The following PLCL2 variants were observed in gnomAD, a reference collection of about 807,000 sequenced individuals.
The protein encoded by PLCL2 is inactive phospholipase C-like protein 2.
A neutral mutation model predicts 79.6 loss-of-function variants in PLCL2; 4 were observed. The ratio of observed to expected loss-of-function variants is 0.05; its 90% CI spans 0.02 to 0.11. The LOEUF is 0.11. Ranked by LOEUF, PLCL2 falls within the 10% of genes least tolerant of loss-of-function variation. The pLI is 1.00. For missense variants in PLCL2, 895 were observed against 1,291.0 expected (o/e 0.69, Z 4.70); for synonymous variants, 484 against 457.7 (o/e 1.06, Z -0.73).
At chr3:16,966,450 G>A (rs2063807393) in intron 1 of PLCL2, among the ~76,000 whole-genome samples, 1 of 152,094 alleles carries the variant, frequency 6.6e-6, no homozygotes, top group African/African-American at 2.4e-5. Flanking sequence ...TTGCATCAAT[G>A]TTCATCAAGG....
At chr3:17,006,155 G>A (rs1168967914) in intron 1 of PLCL2, among the ~76,000 whole-genome samples, 1 of 152,132 alleles carries the variant, frequency 6.6e-6, no homozygotes, top group African/African-American at 2.4e-5. Context: ...TGCATTACAA[G>A]GCAGCATAAA....
At chr3:17,079,537 T>C (rs1412429680) in intron 5 of PLCL2, among the ~76,000 whole-genome samples, 1 of 152,132 alleles carries the variant, frequency 6.6e-6, no homozygotes, top group Non-Finnish European at 1.5e-5. Flanking sequence ...AGAGGTGCCA[T>C]ATGTTGGAGT....
Position 16,884,969 on chromosome 3 carries a change from C to G in PLCL2, c.-71C>G, listed in dbSNP as rs1184244575. The stretch of plus-strand genomic sequence containing the variant: ...GGAGAGGAGGAGGGGCCGCGCGCGG[C>G]GGCCCGAGGCGGCGGCGGGGACGCG... On this transcript the variant is annotated 5_prime_UTR_variant, in exon 1 of 6. Transcript: ENST00000615277. The surrounding 1 kb of genome is among the most constrained non-coding windows in gnomAD (Gnocchi z 9.3). The G allele has an allele frequency of 4.8e-5, 8 of 165,104 alleles. No homozygotes were observed. The highest frequency in any genetic ancestry group is 1.9e-4 in the Admixed American group (3 of 15,524). 10.2% of individuals were successfully genotyped at this position (165,104 alleles called of 1,614,324 possible). A position where few individuals can be genotyped will look rare whatever the true frequency, so the allele number is the denominator to read the frequency against.
chr3:16,990,786 G>A (rs1473380336), intron 1 of PLCL2, among the ~76,000 whole-genome samples: 1 of 152,198 alleles, frequency 6.6e-6, no homozygotes, highest in Non-Finnish European at 1.5e-5. Flanking sequence ...TGCACAGTTT[G>A]AGCATTGAGT....
intron 3 of PLCL2, among the ~76,000 whole-genome samples, chr3:17,040,478 A>T (rs1175509055): frequency 6.6e-6 from 1 of 152,188 alleles, no homozygotes; most frequent in Non-Finnish European, 1.5e-5. Flanking sequence ...AGTATTGGAA[A>T]CATTGCCAGT....
In PLCL2 at chr3:17,043,470, A is replaced by G. The variant is rs2064747703; in HGVS notation, c.3094+521A>G. Among the ~76,000 whole-genome samples, 3 of 152,218 alleles carry G rather than the reference A, an allele frequency of 2.0e-5. 1 individual carries two copies. The South Asian group carries it at 6.2e-4, about 32-fold the overall frequency. ...TATACCAGACTATAAAATTCTTCTTATATAAACAATCATCCCATTAATTTT... is the reference window on the plus strand; with the variant it reads ...TATACCAGACTATAAAATTCTTCTTGTATAAACAATCATCCCATTAATTTT... On this transcript the variant is annotated intron_variant, in intron 4 of 5. Transcript: ENST00000615277.
chr3:17,023,745 T>C (rs890676955), intron 3 of PLCL2, among the ~76,000 whole-genome samples: 5 of 152,202 alleles, frequency 3.3e-5, no homozygotes, highest in Admixed American at 3.3e-4. Flanking sequence ...GATTTTCAAG[T>C]CTATCATTTT....
intron 1 of PLCL2, among the ~76,000 whole-genome samples, chr3:16,902,461 A>G (rs1696645615): frequency 6.6e-6 from 1 of 152,248 alleles, no homozygotes; most frequent in Admixed American, 6.5e-5. Context: ...AAACAAGTGC[A>G]TGATTTCTAT....
chr3:17,048,833 A>G (rs1006401802), intron 4 of PLCL2, among the ~76,000 whole-genome samples: 5 of 152,208 alleles, frequency 3.3e-5, no homozygotes, highest in African/African-American at 1.2e-4. Flanking sequence ...GTGCAATACC[A>G]TAAACCTTAA....
At chr3:16,902,943 C>T (rs1002976807) in intron 1 of PLCL2, among the ~76,000 whole-genome samples, 4 of 151,142 alleles carry the variant, frequency 2.6e-5, no homozygotes, top group African/African-American at 9.7e-5. Context: ...CTGCCTCTAC[C>T]CTCAACCTTC....
intron 1 of PLCL2, among the ~76,000 whole-genome samples, chr3:16,926,814 G>T (rs1480980316): frequency 6.6e-6 from 1 of 151,976 alleles, no homozygotes; most frequent in African/African-American, 2.4e-5. Context: ...TGTATTTTTA[G>T]TAGAGACGGT....
intron 1 of PLCL2, among the ~76,000 whole-genome samples, chr3:16,915,316 G>A (rs1696968280): frequency 6.6e-6 from 1 of 152,056 alleles, no homozygotes; most frequent in South Asian, 2.1e-4. Context: ...TATTTACCTT[G>A]CAGTCTTTTT....
At chr3:17,074,060 CAGAAGGTCTTCAAT>C (rs1309528034) in intron 5 of PLCL2, among the ~76,000 whole-genome samples, 1 of 152,176 alleles carries the variant, frequency 6.6e-6, no homozygotes, top group African/African-American at 2.4e-5. Flanking sequence ...GAATCCTTTC[CAGAAGGTCTTCAAT>C]TTACTTTACC....
chr3:16,984,514 C>T (rs749249970), intron 1 of PLCL2, among the ~76,000 whole-genome samples: 14 of 151,986 alleles, frequency 9.2e-5, no homozygotes, highest in African/African-American at 2.2e-4. Flanking sequence ...TATTAATCTG[C>T]GTGGTTTCTA....
At chr3:16,952,397 T>A (rs571063701) in intron 1 of PLCL2, among the ~76,000 whole-genome samples, 97 of 95,608 alleles carry the variant, frequency 1.0e-3, no homozygotes, top group Non-Finnish European at 1.8e-3. Context: ...AAAAAGAACC[T>A]GTTCTGTTCT....
chr3:16,912,318 A>G (rs142060642), intron 1 of PLCL2, among the ~76,000 whole-genome samples: 2,176 of 152,298 alleles, frequency 0.014, 24 homozygotes, highest in African/African-American at 0.022. Flanking sequence ...CAAAACTGAC[A>G]TGGAAGGATG....
chr3:16,942,603 G>A (rs560530031), intron 1 of PLCL2, among the ~76,000 whole-genome samples: 5 of 152,144 alleles, frequency 3.3e-5, no homozygotes, highest in East Asian at 1.9e-4. Context: ...ACTCTATCAC[G>A]CTTGCCACTT....
At position 17,000,709 on chromosome 3, in the gene PLCL2, A is replaced by C. The variant is rs139064617; in HGVS notation, c.328-8965A>C. On this transcript the variant is annotated intron_variant, in intron 1 of 5. Coordinates refer to ENST00000615277, the MANE Select transcript of PLCL2 (RefSeq NM_001144382.2). ...CGTCTTTCTGTGTCTGATTTATTTA[A>C]TGATGTCCTCCAGTTCCATCCATGT... is the stretch of plus-strand genomic sequence containing the variant. Among the ~76,000 whole-genome samples, 763 of 152,164 alleles carry C rather than the reference A, an allele frequency of 5.0e-3. 6 individuals are homozygous for C. Among genetic ancestry groups the C allele is most frequent in the African/African-American group, 0.017 (700 of 41,522 alleles).
rs1392134421 is a variant in PLCL2, at chr3:17,011,158, C to G, written c.1812C>G (p.Pro604=). 1 of 1,614,074 alleles carries G rather than the reference C, an allele frequency of 6.2e-7. No individual in the cohort carries two copies. Among genetic ancestry groups the G allele is most frequent in the Admixed American group, 1.7e-5 (1 of 60,020 alleles). Residue 604 remains proline, a synonymous_variant, in exon 2 of 6, where the codon CCC becomes CCG. Coordinates refer to ENST00000615277, the MANE Select transcript of PLCL2 (RefSeq NM_001144382.2). The surrounding 1 kb of genome is among the most constrained non-coding windows in gnomAD (Gnocchi z 7.9). ...QRMGKENMEQ[P]NNVPVKRFQL... ...TGGGAAAAGAGAACATGGAGCAACC[C>G]AATAATGTGCCTGTGAAGCGATTTC...
Sources: gnomAD v4.1 joint callset for allele counts (sites outside exome capture counted in the v4.1 genomes callset) on GRCh38, gnomAD v4.1.1 for gene constraint, Gnocchi (gnomAD v3.1) non-coding constraint, MANE v1.5 for transcripts, NCBI Gene and HGNC (gene_info 2026-07-23, HGNC 2026-07-21) for gene names.